SLC14A2: variants seen among roughly 807,000 people sequenced by gnomAD.
The protein encoded by SLC14A2 is solute carrier family 14 member 2, also known as urea transporter 2.
In SLC14A2, 91 loss-of-function variants were observed where a neutral mutation model predicts 104.6. That is an observed-to-expected ratio of 0.87 (90% CI 0.73 to 1.04). The LOEUF (loss-of-function observed/expected upper bound fraction) is 1.04, where lower values mean the gene tolerates loss of function less well. Among genes scored for constraint, SLC14A2 ranks in the 50% least tolerant of loss-of-function variants. SLC14A2 has a pLI of 0.00. For synonymous variants in SLC14A2, 476 were observed against 466.4 expected (o/e 1.02, Z -0.27); for missense variants, 1,189 against 1,156.0 (o/e 1.03, Z -0.41).
chr18:45,611,236 T>A (rs570979128), upstream of SLC14A2, among the ~76,000 whole-genome samples: 1 of 152,328 alleles, frequency 6.6e-6, no homozygotes, highest in South Asian at 2.1e-4. Context: ...TTTACCTGAA[T>A]AAGAAGCTCT....
intron 1 of SLC14A2, among the ~76,000 whole-genome samples, chr18:45,302,847 G>A (rs893929330): frequency 6.6e-6 from 1 of 152,098 alleles, no homozygotes; most frequent in African/African-American, 2.4e-5. Flanking sequence ...AGTAGTAAGT[G>A]ATGAATATCC....
Position 45,643,174 on chromosome 18 carries a change from T to C in SLC14A2, c.1169T>C (p.Met390Thr), listed in dbSNP as rs575072445. 68 of 1,613,994 alleles carry C rather than the reference T, an allele frequency of 4.2e-5. 1 individual carries two copies. The South Asian group carries it at 7.2e-4, about 17-fold the overall frequency. ...ATGGAAGCAGCCATCTCCAACATCA[T>C]GTCAGTGGTAAGTGTGGATTCTCCT... is the stretch of plus-strand genomic sequence containing the variant. ...AYMEAAISNIMSVVGVPPGTW... is the reference protein window; with the variant it reads ...AYMEAAISNITSVVGVPPGTW... The change falls in exon 9 of 20, where the codon ATG (methionine) becomes ACG (threonine). Residue 390 changes from methionine (M) to threonine (T), a missense_variant. Physicochemically the swap from Met to Thr is moderately conservative, Grantham distance 81 (BLOSUM62 -1). Coordinates refer to ENST00000255226, the MANE Select transcript of SLC14A2 (RefSeq NM_007163.4).
At chr18:45,192,811 C>G in the SLC14A2 span, among the ~76,000 whole-genome samples, 1 of 152,002 alleles carries the variant, frequency 6.6e-6, no homozygotes, top group Non-Finnish European at 1.5e-5. Flanking sequence ...CATGTGCCAC[C>G]AGGCCCAGCT....
At chr18:45,509,306 C>T (rs998031050) in intron 2 of SLC14A2, among the ~76,000 whole-genome samples, 2 of 152,036 alleles carry the variant, frequency 1.3e-5, no homozygotes, top group Non-Finnish European at 2.9e-5. Context: ...ATATCTCTCT[C>T]TCTGTCTTTC....
At chr18:45,235,264 T>C (rs1454247260) in intron 1 of SLC14A2, among the ~76,000 whole-genome samples, 1 of 152,206 alleles carries the variant, frequency 6.6e-6, no homozygotes, top group African/African-American at 2.4e-5. Context: ...CCTTTTCTTT[T>C]CATTAAAATG....
At chr18:45,605,072 G>T (rs1206854766) in intron 2 of SLC14A2, among the ~76,000 whole-genome samples, 1 of 152,076 alleles carries the variant, frequency 6.6e-6, no homozygotes, top group African/African-American at 2.4e-5. Flanking sequence ...ATACAATATT[G>T]ATAACCAATA....
intron 1 of SLC14A2, among the ~76,000 whole-genome samples, chr18:45,236,625 G>A (rs1189822466): frequency 6.7e-6 from 1 of 150,238 alleles, no homozygotes; most frequent in African/African-American, 2.5e-5. Context: ...GTATATATGT[G>A]TGGGTGTATA....
At chr18:45,218,086 C>T (rs896289858) in intron 1 of SLC14A2, among the ~76,000 whole-genome samples, 1 of 152,160 alleles carries the variant, frequency 6.6e-6, no homozygotes, top group Non-Finnish European at 1.5e-5. Context: ...GCATTAAGCA[C>T]ATTCACATTG....
At chr18:45,557,169 A>G (rs1568275464) in intron 2 of SLC14A2, among the ~76,000 whole-genome samples, 1 of 152,246 alleles carries the variant, frequency 6.6e-6, no homozygotes, top group Non-Finnish European at 1.5e-5. Context: ...AGCACTGGCC[A>G]CAGTGTTGAC....
intron 1 of SLC14A2, among the ~76,000 whole-genome samples, chr18:45,384,467 C>T (rs950253890): frequency 1.3e-5 from 2 of 152,210 alleles, no homozygotes; most frequent in Non-Finnish European, 2.9e-5. Flanking sequence ...TAAGCCCACC[C>T]ACCTCATAAG....
chr18:45,288,801 G>C lies in SLC14A2; in HGVS notation c.-125+75610G>C, dbSNP rs141136213. The stretch of plus-strand genomic sequence containing the variant: ...ATTGATCATGCCATGCCCAGTCCCC[G>C]CCTGCCTCCCTGCTCTCACTTCCAG... On this transcript the variant is annotated intron_variant, in intron 1 of 20. Coordinates refer to the SLC14A2 transcript ENST00000586448. Among the ~76,000 whole-genome samples the C allele has an allele frequency of 2.6e-5, 4 of 152,216 alleles. No individual in the cohort carries two copies. The East Asian group carries it at 7.7e-4, about 29-fold the overall frequency.
chr18:45,208,761 T>A (rs2083936033), upstream of SLC14A2, among the ~76,000 whole-genome samples: 1 of 151,868 alleles, frequency 6.6e-6, no homozygotes, highest in South Asian at 2.1e-4. Context: ...AGAGTGAGTG[T>A]ACTTAGGGAA....
chr18:45,332,500 C>T (rs866502597), intron 1 of SLC14A2, among the ~76,000 whole-genome samples: 28 of 152,088 alleles, frequency 1.8e-4, no homozygotes, highest in African/African-American at 6.3e-4. Context: ...TGCCCAATCT[C>T]CCACAAATAC....
intron 1 of SLC14A2, among the ~76,000 whole-genome samples, chr18:45,270,747 A>G (rs2064488083): frequency 6.6e-6 from 1 of 152,150 alleles, no homozygotes; most frequent in South Asian, 2.1e-4. Flanking sequence ...CTTAAGAAGT[A>G]TTCAAGTCCA....
intron 1 of SLC14A2, among the ~76,000 whole-genome samples, chr18:45,430,091 C>A (rs1268020161): frequency 6.6e-6 from 1 of 152,222 alleles, no homozygotes; most frequent in Non-Finnish European, 1.5e-5. Flanking sequence ...TTCTTGGCAA[C>A]TTCCTTTTTC....
chr18:45,295,572 C>T (rs572350288), intron 1 of SLC14A2, among the ~76,000 whole-genome samples: 1 of 152,274 alleles, frequency 6.6e-6, no homozygotes, highest in African/African-American at 2.4e-5. Context: ...GGTCAGGGCA[C>T]AGTCACTGCC....
At chr18:45,274,674 A>T (rs1599634806) in intron 1 of SLC14A2, among the ~76,000 whole-genome samples, 1 of 152,248 alleles carries the variant, frequency 6.6e-6, no homozygotes, top group Admixed American at 6.5e-5. Flanking sequence ...ACAACCCAAG[A>T]TTTACAGCAA....
chr18:45,545,764 A>G (rs72902375), intron 2 of SLC14A2, among the ~76,000 whole-genome samples: 11,794 of 152,232 alleles, frequency 0.077, 563 homozygotes, highest in East Asian at 0.21. Context: ...ACAGGAAACA[A>G]AGGTAGAGGT....
Position 45,394,452 on chromosome 18 carries a change from C to T in SLC14A2, c.-124-88781C>T, listed in dbSNP as rs146348541. Among the ~76,000 whole-genome samples the T allele has an allele frequency of 9.3e-3, 1,393 of 149,982 alleles. 5 individuals are homozygous for T. Among genetic ancestry groups the T allele is most frequent in the Non-Finnish European group, 0.014 (920 of 67,888 alleles). ...GAAATTTGTAGCTTTCTTTGAAACT[C>T]GAAGTGCTTTGGTTACTTTAAATTT... On this transcript the variant is annotated intron_variant, in intron 1 of 20. Transcript: ENST00000586448.
Sources: allele counts gnomAD v4.1 joint callset (sites outside exome capture counted in the v4.1 genomes callset), GRCh38; gene constraint gnomAD v4.1.1; transcripts MANE v1.5; gene names NCBI Gene and HGNC (gene_info 2026-07-23, HGNC 2026-07-21).